The following GAB3 variants were observed in gnomAD, a reference collection of about 807,000 sequenced individuals.
GAB3 encodes GRB2 associated binding protein 3, also known as GRB2-associated-binding protein 3.
A neutral mutation model predicts 40.4 loss-of-function variants in GAB3; 12 were observed. The ratio of observed to expected loss-of-function variants is 0.30; its 90% confidence interval spans 0.19 to 0.48. The LOEUF is 0.48. Ranked by LOEUF, GAB3 falls within the 20% of genes least tolerant of loss-of-function variation. The pLI is 0.99. For missense variants in GAB3, 381 were observed against 461.9 expected, an observed-to-expected ratio of 0.82 and a Z score of 1.61; for synonymous variants, 154 against 176.7, an observed-to-expected ratio of 0.87 and a Z score of 1.02.
At chrX:154,681,775 C>G (rs936764540) in intron 8 of GAB3, among the ~76,000 whole-genome samples, 49 of 111,928 alleles carry the variant, frequency 4.4e-4, no homozygotes, top group African/African-American at 1.4e-3. Flanking sequence ...AAGCAATAAT[C>G]TCACTTGAAT....
intron 1 of GAB3, 88 bp downstream of exon 1, chrX:154,750,866 G>T: frequency 1.7e-6 from 1 of 583,534 alleles, no homozygotes; most frequent in South Asian, 8.4e-5. Flanking sequence ...CGCCTGGCGC[G>T]CCCGGAGCCC....
At chrX:154,743,971 T>C (rs1379745277) in intron 1 of GAB3, among the ~76,000 whole-genome samples, 3 of 110,916 alleles carry the variant, frequency 2.7e-5, no homozygotes, top group Non-Finnish European at 5.7e-5. Flanking sequence ...ATCCCAGCAC[T>C]TTGGGAGGCC....
At chrX:154,737,656 C>T (rs150099998) in intron 1 of GAB3, among the ~76,000 whole-genome samples, 260 of 112,078 alleles carry the variant, frequency 2.3e-3, no homozygotes, top group Middle Eastern at 9.3e-3. Flanking sequence ...TTCTCCCATG[C>T]TCTTGCTCAC....
intron 4 of GAB3, among the ~76,000 whole-genome samples, chrX:154,708,450 G>T (rs1265725206): frequency 8.9e-6 from 1 of 112,225 alleles, no homozygotes; most frequent in Non-Finnish European, 1.9e-5. Flanking sequence ...GCAACCTAGA[G>T]AATGAGAGAA....
At chrX:154,707,679 G>A (rs2070833249) in intron 4 of GAB3, among the ~76,000 whole-genome samples, 1 of 111,702 alleles carries the variant, frequency 9.0e-6, no homozygotes, top group Non-Finnish European at 1.9e-5. Flanking sequence ...GGACTATTCA[G>A]TAACGTCCTG....
chrX:154,695,357 A>C (rs1420921735), intron 8 of GAB3, among the ~76,000 whole-genome samples: 1 of 111,802 alleles, frequency 8.9e-6, no homozygotes, highest in Non-Finnish European at 1.9e-5. Flanking sequence ...GCAAATGGTT[A>C]ATCAAGTCTC....
intron 8 of GAB3, among the ~76,000 whole-genome samples, chrX:154,686,581 C>T (rs1053053763): frequency 9.2e-6 from 1 of 109,014 alleles, no homozygotes; most frequent in African/African-American, 3.3e-5. Flanking sequence ...GGCACAGCTA[C>T]TATGCATGGT....
intron 8 of GAB3, among the ~76,000 whole-genome samples, chrX:154,687,560 G>T (rs1434391019): frequency 9.5e-6 from 1 of 105,243 alleles, no homozygotes; most frequent in African/African-American, 3.5e-5. Context: ...CATGAACCTG[G>T]GGGGCGGAGC....
chrX:154,694,462 C>A (rs2070621745), intron 8 of GAB3, among the ~76,000 whole-genome samples: 1 of 109,820 alleles, frequency 9.1e-6, no homozygotes, highest in Non-Finnish European at 1.9e-5. Flanking sequence ...TCTCGACTCA[C>A]TGCAAGCTCT....
At chrX:154,724,145 G>A (rs782539764) in intron 1 of GAB3, among the ~76,000 whole-genome samples, 352 of 110,723 alleles carry the variant, frequency 3.2e-3, no homozygotes, top group African/African-American at 0.011. Flanking sequence ...TCTGGAATTC[G>A]AGACCAGCCT....
At chrX:154,709,528 C>T in intron 4 of GAB3, among the ~76,000 whole-genome samples, 1 of 109,121 alleles carries the variant, frequency 9.2e-6, no homozygotes, top group East Asian at 2.9e-4. Context: ...CCATATTGGC[C>T]AGGCTGGTCT....
intron 1 of GAB3, among the ~76,000 whole-genome samples, chrX:154,736,520 C>G (rs1557260548): frequency 8.9e-6 from 1 of 112,364 alleles, no homozygotes; most frequent in African/African-American, 3.2e-5. Context: ...CCAAGTGGAT[C>G]CACATACTGC....
intron 1 of GAB3, among the ~76,000 whole-genome samples, chrX:154,724,906 C>G (rs1388401025): frequency 9.0e-6 from 1 of 111,445 alleles, no homozygotes; most frequent in Non-Finnish European, 1.9e-5. Flanking sequence ...ACCGCCCCCC[C>G]AAATTCATAT....
intron 8 of GAB3, among the ~76,000 whole-genome samples, chrX:154,685,731 A>G (rs1557247659): frequency 8.9e-6 from 1 of 112,114 alleles, no homozygotes. Context: ...AAACCAACAG[A>G]ATAGAATTAA....
At chrX:154,713,559 T>C in intron 2 of GAB3, 133 bp from the exon 3 acceptor site, 1 of 490,712 alleles carries the variant, frequency 2.0e-6, no homozygotes, top group Non-Finnish European at 3.4e-6. Flanking sequence ...GAGAAGACCA[T>C]TTCCCCAAGC....
At chrX:154,691,439 GA>G (rs1485865017) in intron 8 of GAB3, among the ~76,000 whole-genome samples, 1 of 108,857 alleles carries the variant, frequency 9.2e-6, no homozygotes, top group Non-Finnish European at 1.9e-5. Flanking sequence ...AAATAAAAAA[GA>G]AAAAAAAGAA....
In GAB3 at chrX:154,712,491, G is replaced by A; in HGVS notation, c.807C>T (p.Asp269=). The change falls in exon 4 of 10, where the codon GAC becomes GAT. Residue 269 remains aspartate (D), a synonymous_variant. Coordinates refer to ENST00000424127, the MANE Select transcript of GAB3 (RefSeq NM_001081573.3). ...WSREINGPPR[D]HLSSSPLLES... is the part of the protein sequence containing the mutation. ...CCAGCAATGGTGAAGAAGACAAGTGGTCCCTGGGTGGCCCATTGATTTCTC... is the reference window on the plus strand; with the variant it reads ...CCAGCAATGGTGAAGAAGACAAGTGATCCCTGGGTGGCCCATTGATTTCTC... 1 of 1,208,959 alleles carries A rather than the reference G, an allele frequency of 8.3e-7. No individual in the cohort carries two copies. The highest frequency in any genetic ancestry group is 3.0e-5 in the East Asian group (1 of 33,811).
intron 4 of GAB3, among the ~76,000 whole-genome samples, chrX:154,703,225 CA>C (rs2070762125): frequency 8.9e-6 from 1 of 111,997 alleles, no homozygotes; most frequent in Non-Finnish European, 1.9e-5. Flanking sequence ...GCACTATTCA[CA>C]ATAGCAAAGA....
At chrX:154,710,328 C>T (rs1265943255) in intron 4 of GAB3, among the ~76,000 whole-genome samples, 1 of 111,562 alleles carries the variant, frequency 9.0e-6, no homozygotes, top group Non-Finnish European at 1.9e-5. Context: ...GACCAGCTGA[C>T]TGTAAAATTG....
Sources: allele counts gnomAD v4.1 joint callset (sites outside exome capture counted in the v4.1 genomes callset), GRCh38; gene constraint gnomAD v4.1.1; transcripts MANE v1.5; gene names NCBI Gene and HGNC (gene_info 2026-07-23, HGNC 2026-07-21).